The following GNG8 variants were observed in gnomAD, a reference collection of about 807,000 sequenced individuals.
GNG8 encodes the protein G protein subunit gamma 8, also known as guanine nucleotide-binding protein G(I)/G(S)/G(O) subunit gamma-8.
GNG8 carries 3 observed loss-of-function variants against 4.6 expected under a neutral mutation model. That is an observed-to-expected ratio of 0.65 (90% CI 0.29 to 1.67). The LOEUF is 1.67. Among genes scored for constraint, GNG8 ranks in the 40% most tolerant of loss-of-function variants. The pLI, the probability that GNG8 is intolerant of heterozygous loss-of-function variation, is 0.10. For missense variants in GNG8, 88 were observed against 95.2 expected, an observed-to-expected ratio of 0.92 and a Z score of 0.32; for synonymous variants, 32 against 40.5, an observed-to-expected ratio of 0.79 and a Z score of 0.80.
At position 46,634,807 on chromosome 19, in the gene GNG8, G is replaced by A. The variant is rs75536595; in HGVS notation, c.-43-82C>T. ...CCCGGTAACAGGTGCGAGGGTGGAAGGGCGCGTGAATGGGGTGGCCAGGGG... is the reference window on the plus strand; with the variant it reads ...CCCGGTAACAGGTGCGAGGGTGGAAAGGCGCGTGAATGGGGTGGCCAGGGG... On this transcript the variant is annotated intron_variant, in intron 1 of 2. Transcript: ENST00000693335. 9.9e-4 allele frequency: 702 copies of A among 712,476 alleles called. 2 individuals are homozygous for A. Among genetic ancestry groups the A allele is most frequent in the African/African-American group, 8.8e-3 (502 of 57,320 alleles). 44.1% of individuals were successfully genotyped at this position (712,476 alleles called of 1,614,324 possible).
At position 46,634,802 on chromosome 19, in the gene GNG8, T is replaced by A. The variant is rs919225761; in HGVS notation, c.-43-77A>T. 2.0e-5 allele frequency: 14 copies of A among 714,390 alleles called. No homozygotes were observed. The Admixed American group carries it at 2.7e-4, about 14-fold the overall frequency. The allele number at this position is 714,390 out of a possible 1,614,324, so 44.3% of individuals were successfully genotyped here. ...CGGGCCCCGGTAACAGGTGCGAGGGTGGAAGGGCGCGTGAATGGGGTGGCC... is the reference window on the plus strand; with the variant it reads ...CGGGCCCCGGTAACAGGTGCGAGGGAGGAAGGGCGCGTGAATGGGGTGGCC... On this transcript the variant is annotated intron_variant, in intron 1 of 2. Coordinates refer to ENST00000693335, the MANE Select transcript of GNG8 (RefSeq NM_033258.2).
At chr19:46,636,895 C>A (rs2122399143), upstream of GNG8, 1 of 151,756 alleles carries the variant, frequency 6.6e-6, no homozygotes, top group Non-Finnish European at 1.5e-5. Context: ...GGGTTCAAGC[C>A]ATTCTCCTGC....
chr19:46,635,766 GT>G (rs2052864278), intron 1 of GNG8, among the ~76,000 whole-genome samples: 2 of 54,730 alleles, frequency 3.7e-5, no homozygotes, highest in Non-Finnish European at 6.9e-5. Context: ...GGGGTGTGGG[GT>G]GGGAGAGGAT....
Position 46,634,164 on chromosome 19 carries a change from G to T in GNG8, c.125C>A (p.Thr42Lys). 6.2e-7 allele frequency: 1 copy of T among 1,613,512 alleles called. No homozygotes were observed. The highest frequency in any genetic ancestry group is 8.5e-7 in the Non-Finnish European group (1 of 1,179,912). The change falls in exon 3 of 3, where the codon ACG (threonine) becomes AAG (lysine). Residue 42 changes from threonine to lysine, a missense_variant. By Grantham distance (78) the Thr-to-Lys change is moderately conservative. Coordinates refer to ENST00000693335, the MANE Select transcript of GNG8 (RefSeq NM_033258.2). ...AAAELLAFCE[T>K]HAKDDPLVTP... Reference sequence around the variant, plus strand: ...CACCAGCGGGTCATCTTTGGCATGCGTCTCGCAGAAAGCCAGGAGTTCCGC... The same window carrying T: ...CACCAGCGGGTCATCTTTGGCATGCTTCTCGCAGAAAGCCAGGAGTTCCGC...
chr19:46,634,712 C>T lies in GNG8; in HGVS notation c.-30G>A. The T allele has an allele frequency of 1.3e-6, 2 of 1,591,500 alleles. No homozygotes were observed. Among genetic ancestry groups the T allele is most frequent in the Non-Finnish European group, 1.7e-6 (2 of 1,161,466 alleles). ...GCGGCGGGGAAGGGGTTAAAAGACG[C>T]GCGGGAGTGGGGGCTGTGGGGGTAG... On this transcript the variant is annotated 5_prime_UTR_variant, in exon 2 of 3. Coordinates refer to ENST00000693335, the MANE Select transcript of GNG8 (RefSeq NM_033258.2).
intron 1 of GNG8, among the ~76,000 whole-genome samples, chr19:46,635,312 CGCAGAG>C (rs1001967445): frequency 6.7e-6 from 1 of 150,194 alleles, no homozygotes; most frequent in African/African-American, 2.5e-5. Context: ...CAACGGGACG[CGCAGAG>C]GCAGAGACAG....
chr19:46,636,473 C>A (rs1376168351), upstream of GNG8, among the ~76,000 whole-genome samples: 2 of 152,206 alleles, frequency 1.3e-5, no homozygotes, highest in Non-Finnish European at 2.9e-5. Flanking sequence ...TCCACAGTCA[C>A]AACAAACCTC....
intron 2 of GNG8, 84 bp downstream of exon 2, chr19:46,634,515 C>T: frequency 7.7e-7 from 1 of 1,303,794 alleles, no homozygotes; most frequent in Non-Finnish European, 1.1e-6. Flanking sequence ...CATCCTTGCA[C>T]TATGGCTCCG....
At chr19:46,638,809 G>T (rs2052884355), upstream of GNG8, 1 of 153,176 alleles carries the variant, frequency 6.5e-6, no homozygotes. This position sits in a 1 kb window ranked among gnomAD's most constrained non-coding sequence, Gnocchi z 4.7. Flanking sequence ...AGGGCCAGGC[G>T]GGAGATGAAG....
At chr19:46,637,225 C>A (rs939190877), upstream of GNG8, 3 of 152,260 alleles carry the variant, frequency 2.0e-5, no homozygotes, top group East Asian at 3.8e-4. Context: ...TAGTAACACC[C>A]AGTCGCCTGT....
upstream of GNG8, chr19:46,638,978 G>C (rs907058189): frequency 6.5e-6 from 1 of 154,102 alleles, no homozygotes; most frequent in African/African-American, 2.4e-5. This position sits in a 1 kb window ranked among gnomAD's most constrained non-coding sequence, Gnocchi z 4.7. Flanking sequence ...GAAGGAGCGA[G>C]CTAGGGACTC....
chr19:46,637,168 A>G (rs1162616138), upstream of GNG8: 6 of 152,158 alleles, frequency 3.9e-5, no homozygotes, highest in African/African-American at 9.7e-5. Flanking sequence ...GTGGCATGCA[A>G]TTACCCAATA....
At position 46,634,058 on chromosome 19, in the gene GNG8, G is replaced by T. The variant is rs1456429529; in HGVS notation, c.*18C>A. On this transcript the variant is annotated 3_prime_UTR_variant, in exon 3 of 3. Coordinates refer to ENST00000693335, the MANE Select transcript of GNG8 (RefSeq NM_033258.2). ...TGGATCCATACTTTGGCAGGGGAGG[G>T]TAAGCTGTCCGGAGGGCTCAGAGCA... is the stretch of plus-strand genomic sequence containing the variant. The T allele has an allele frequency of 2.5e-6, 4 of 1,601,992 alleles. No individual in the cohort carries two copies. Among genetic ancestry groups the T allele is most frequent in the East Asian group, 2.2e-5 (1 of 44,656 alleles).
At chr19:46,634,818 TG>T in intron 1 of GNG8, 93 bp from the exon 2 acceptor site, 1 of 661,504 alleles carries the variant, frequency 1.5e-6, no homozygotes, top group Non-Finnish European at 2.7e-6. Context: ...GGCGCGTGAA[TG>T]GGGTGGCCAG....
upstream of GNG8, among the ~76,000 whole-genome samples, chr19:46,636,281 C>T (rs2052868605): frequency 6.6e-6 from 1 of 151,902 alleles, no homozygotes; most frequent in Admixed American, 6.6e-5. Context: ...CCACCGTCCC[C>T]GCCGCCCCGC....
chr19:46,638,734 G>T (rs11667711), upstream of GNG8: 1,171 of 152,560 alleles, frequency 7.7e-3, 11 homozygotes, highest in Non-Finnish European at 0.013. The surrounding 1 kb of genome is among the most constrained non-coding windows in gnomAD (Gnocchi z 4.7). Context: ...ATGAGGGCGC[G>T]CGCAGCACGC....
chr19:46,634,471 T>A, intron 2 of GNG8, 128 bp downstream of exon 2: 1 of 468,040 alleles, frequency 2.1e-6, no homozygotes, highest in Non-Finnish European at 3.4e-6. Context: ...CCTCCTGCCC[T>A]GCCCCGCCCC....
At chr19:46,636,541 C>T (rs960284780), upstream of GNG8, among the ~76,000 whole-genome samples, 6 of 152,190 alleles carry the variant, frequency 3.9e-5, no homozygotes, top group Admixed American at 2.0e-4. Flanking sequence ...GGTGTCACCA[C>T]CCCCCTCCAG....
chr19:46,634,520 G>A, intron 2 of GNG8, 79 bp downstream of exon 2: 1 of 1,335,252 alleles, frequency 7.5e-7, no homozygotes, highest in South Asian at 1.3e-5. Context: ...TTGCACTATG[G>A]CTCCGAGCCG....
Sources: allele counts gnomAD v4.1 joint callset (sites outside exome capture counted in the v4.1 genomes callset), GRCh38; gene constraint gnomAD v4.1.1; non-coding constraint Gnocchi (gnomAD v3.1); transcripts MANE v1.5; gene names NCBI Gene and HGNC (gene_info 2026-07-23, HGNC 2026-07-21).